NRXN3: variants seen among roughly 807,000 people sequenced by gnomAD.
NRXN3 encodes neurexin 3.
A neutral mutation model predicts 137.6 loss-of-function variants in NRXN3; 32 were observed. The ratio of observed to expected loss-of-function variants is 0.23; its 90% CI spans 0.18 to 0.31. NRXN3 has a LOEUF of 0.31. NRXN3 is among the 10% of genes least tolerant of loss of function. The pLI, the probability that NRXN3 is intolerant of heterozygous loss-of-function variation, is 1.00. For synonymous variants in NRXN3, 798 were observed against 784.5 expected (o/e 1.02, Z -0.29); for missense variants, 1,574 against 2,062.5 (o/e 0.76, Z 4.59).
intron 15 of NRXN3, among the ~76,000 whole-genome samples, chr14:79,001,785 G>A (rs184250665): frequency 1.7e-3 from 256 of 152,246 alleles, no homozygotes; most frequent in South Asian, 9.5e-3. Context: ...AATTTTTGTG[G>A]CATTTGTCAA....
intron 15 of NRXN3, among the ~76,000 whole-genome samples, chr14:79,444,567 G>A (rs2096023671): frequency 6.6e-6 from 1 of 152,208 alleles, no homozygotes; most frequent in African/African-American, 2.4e-5. Context: ...GCCCACACTT[G>A]CAATCCCATT....
chr14:79,232,784 T>C (rs2072491846), intron 15 of NRXN3, among the ~76,000 whole-genome samples: 1 of 151,930 alleles, frequency 6.6e-6, no homozygotes, highest in African/African-American at 2.4e-5. Flanking sequence ...ATTAGCATCC[T>C]GCAAATACAC....
chr14:78,249,098 T>A (rs903986537), intron 2 of NRXN3, among the ~76,000 whole-genome samples: 5 of 152,224 alleles, frequency 3.3e-5, no homozygotes, highest in Admixed American at 6.5e-5. Context: ...AGCAATTTTT[T>A]AAAATCTCCC....
intron 15 of NRXN3, among the ~76,000 whole-genome samples, chr14:79,315,427 G>A (rs925490916): frequency 4.6e-5 from 7 of 152,154 alleles, no homozygotes. Flanking sequence ...AGGGGTCTCT[G>A]TAGAGAAACT....
intron 8 of NRXN3, among the ~76,000 whole-genome samples, chr14:78,779,234 A>G (rs187845037): frequency 1.3e-5 from 2 of 152,198 alleles, no homozygotes; most frequent in African/African-American, 4.8e-5. Context: ...TCAGATAATA[A>G]ATTTAATATA....
At chr14:78,521,192 CTT>C (rs2096279158) in intron 4 of NRXN3, among the ~76,000 whole-genome samples, 1 of 152,128 alleles carries the variant, frequency 6.6e-6, no homozygotes, top group Non-Finnish European at 1.5e-5. Flanking sequence ...ACTCTAATTC[CTT>C]TCACCGTCAT....
At chr14:79,477,836 G>A (rs1055734305) in intron 16 of NRXN3, among the ~76,000 whole-genome samples, 2 of 152,174 alleles carry the variant, frequency 1.3e-5, no homozygotes, top group Non-Finnish European at 2.9e-5. Context: ...AGATTGAATC[G>A]GCAGGTGTTG....
At chr14:78,629,184 T>A (rs534238491) in intron 4 of NRXN3, among the ~76,000 whole-genome samples, 1 of 152,328 alleles carries the variant, frequency 6.6e-6, no homozygotes, top group Admixed American at 6.5e-5. Context: ...GTGATAATGA[T>A]GCTTACTGTT....
At chr14:78,239,198 C>T (rs1036302155) in intron 1 of NRXN3, among the ~76,000 whole-genome samples, 11 of 152,230 alleles carry the variant, frequency 7.2e-5, no homozygotes, top group Non-Finnish European at 2.9e-5. Flanking sequence ...TGGCAGACAC[C>T]GTGTTGAAGC....
At chr14:79,204,028 G>A (rs936424844) in intron 15 of NRXN3, among the ~76,000 whole-genome samples, 3 of 152,172 alleles carry the variant, frequency 2.0e-5, no homozygotes, top group African/African-American at 7.2e-5. Context: ...AGCGATATAT[G>A]CAGTCAAATG....
chr14:78,357,666 A>G (rs1458532701), intron 4 of NRXN3, among the ~76,000 whole-genome samples: 2 of 152,162 alleles, frequency 1.3e-5, no homozygotes, highest in East Asian at 1.9e-4. Flanking sequence ...GAAGGCCTCA[A>G]TATAGGCATG....
intron 15 of NRXN3, among the ~76,000 whole-genome samples, chr14:79,094,030 T>C (rs192052653): frequency 1.2e-3 from 176 of 152,270 alleles, no homozygotes; most frequent in African/African-American, 4.1e-3. Context: ...CAAGCTCTCC[T>C]GTCCTCACTT....
intron 10 of NRXN3, among the ~76,000 whole-genome samples, chr14:78,839,789 A>G (rs1176395630): frequency 6.6e-6 from 1 of 152,192 alleles, no homozygotes; most frequent in African/African-American, 2.4e-5. Flanking sequence ...GGGTTCCACA[A>G]GAATAAAAAG....
chr14:78,281,613 T>C (rs974429023), intron 3 of NRXN3, among the ~76,000 whole-genome samples: 2 of 152,100 alleles, frequency 1.3e-5, no homozygotes, highest in Non-Finnish European at 2.9e-5. Context: ...CTTGTAACCT[T>C]TGGGGAGGAG....
At chr14:78,182,008 G>A (rs974928377) in intron 1 of NRXN3, among the ~76,000 whole-genome samples, 32 of 151,756 alleles carry the variant, frequency 2.1e-4, no homozygotes, top group Admixed American at 1.7e-3. Flanking sequence ...AAGGGCAAGC[G>A]GTAGACAACA....
At chr14:79,630,470 C>T (rs981180630) in intron 16 of NRXN3, among the ~76,000 whole-genome samples, 1 of 152,194 alleles carries the variant, frequency 6.6e-6, no homozygotes, top group East Asian at 1.9e-4. Flanking sequence ...GTTCTTGTCA[C>T]TTTGGTCCTG....
intron 16 of NRXN3, among the ~76,000 whole-genome samples, chr14:79,494,619 A>G (rs2096749128): frequency 6.6e-6 from 1 of 152,168 alleles, no homozygotes; most frequent in African/African-American, 2.4e-5. Flanking sequence ...GGGTCAGTTT[A>G]TATATGTAGT....
In NRXN3 at chr14:78,544,906, A is replaced by G. The variant is rs553190355; in HGVS notation, c.758-100214A>G. Among the ~76,000 whole-genome samples, 12 of 152,328 alleles carry G rather than the reference A, an allele frequency of 7.9e-5. No individual in the cohort carries two copies. The South Asian group carries it at 2.5e-3, about 32-fold the overall frequency. ...AGGTGACTGGGGAGAGGTTTGCCCA[A>G]GAGACAGCAGGGAGATTCTGGGAAT... On this transcript the variant is annotated intron_variant, in intron 4 of 20. Coordinates refer to ENST00000335750, the MANE Select transcript of NRXN3 (RefSeq NM_001330195.2).
intron 19 of NRXN3, among the ~76,000 whole-genome samples, chr14:79,775,984 C>T (rs1036466755): frequency 2.9e-4 from 44 of 152,224 alleles, no homozygotes; most frequent in Admixed American, 2.8e-3. Flanking sequence ...AAAGTAGGTT[C>T]TTCATAAATA....
Sources: gnomAD v4.1 joint callset for allele counts (sites outside exome capture counted in the v4.1 genomes callset) on GRCh38, gnomAD v4.1.1 for gene constraint, MANE v1.5 for transcripts, NCBI Gene and HGNC (gene_info 2026-07-23, HGNC 2026-07-21) for gene names.